Variants in SYNPR observed in about 807,000 individuals in gnomAD.
SYNPR encodes synaptoporin.
Under a neutral mutation model 32.9 loss-of-function variants are expected in SYNPR, and 23 were observed. That is an observed-to-expected ratio of 0.70 (90% CI 0.50 to 0.99). The LOEUF (loss-of-function observed/expected upper bound fraction) is 0.99, where lower values mean the gene tolerates loss of function less well. Among genes scored for constraint, SYNPR ranks in the 50% least tolerant of loss-of-function variants. The pLI is 0.00. For synonymous variants in SYNPR, 146 were observed against 135.9 expected (o/e 1.07, Z -0.52); for missense variants, 318 against 349.3 (o/e 0.91, Z 0.71).
intron 5 of SYNPR, among the ~76,000 whole-genome samples, chr3:63,614,780 C>T (rs1700253145): frequency 6.6e-6 from 1 of 152,180 alleles, no homozygotes; most frequent in South Asian, 2.1e-4. Context: ...TGAAAATTCT[C>T]AACCCTGTGC....
intron 2 of SYNPR, among the ~76,000 whole-genome samples, chr3:63,444,100 TC>T (rs1385591740): frequency 6.6e-6 from 1 of 152,248 alleles, no homozygotes; most frequent in East Asian, 1.9e-4. Context: ...TGCTTCTCTT[TC>T]GTCTTTCTTT....
chr3:63,518,423 G>C (rs1045976560), intron 3 of SYNPR, among the ~76,000 whole-genome samples: 3 of 152,022 alleles, frequency 2.0e-5, no homozygotes, highest in African/African-American at 7.2e-5. Flanking sequence ...CTGTGTCCCA[G>C]GCCTGGAACA....
At chr3:63,470,198 G>T (rs1361752144) in intron 2 of SYNPR, among the ~76,000 whole-genome samples, 1 of 152,088 alleles carries the variant, frequency 6.6e-6, no homozygotes, top group Non-Finnish European at 1.5e-5. Flanking sequence ...GTATGTATAT[G>T]TAGAAATATT....
chr3:63,327,787 G>T (rs557296864), intron 2 of SYNPR, among the ~76,000 whole-genome samples: 2 of 152,244 alleles, frequency 1.3e-5, no homozygotes, highest in South Asian at 2.1e-4. Context: ...GTGGTTAGAG[G>T]TTAAGGAAGG....
chr3:63,399,408 A>T (rs575583090), intron 2 of SYNPR, among the ~76,000 whole-genome samples: 1 of 152,270 alleles, frequency 6.6e-6, no homozygotes, highest in South Asian at 2.1e-4. Context: ...CTTGGGAAAT[A>T]ACTTTATTTA....
chr3:63,417,946 C>T (rs916752131), intron 2 of SYNPR, among the ~76,000 whole-genome samples: 6 of 152,240 alleles, frequency 3.9e-5, no homozygotes, highest in African/African-American at 1.4e-4. Flanking sequence ...ACATTTTCTA[C>T]ACTGTCTTGG....
intron 2 of SYNPR, among the ~76,000 whole-genome samples, chr3:63,434,276 A>G (rs986489420): frequency 6.6e-6 from 1 of 152,210 alleles, no homozygotes; most frequent in African/African-American, 2.4e-5. Flanking sequence ...TAAGTGTTTG[A>G]TTCTGAAATG....
At chr3:63,501,063 T>TAA (rs369261612) in intron 3 of SYNPR, among the ~76,000 whole-genome samples, 5 of 151,420 alleles carry the variant, frequency 3.3e-5, no homozygotes, top group Non-Finnish European at 5.9e-5. Flanking sequence ...TGGCAAATTG[T>TAA]AAAAAAAAAT....
chr3:63,210,752 T>C, the SYNPR span, among the ~76,000 whole-genome samples: 1 of 151,970 alleles, frequency 6.6e-6, no homozygotes, highest in Non-Finnish European at 1.5e-5. Flanking sequence ...TATCTTTCCC[T>C]TTCTTTCCTT....
intron 2 of SYNPR, among the ~76,000 whole-genome samples, chr3:63,453,751 C>T (rs1358293856): frequency 2.0e-5 from 3 of 152,038 alleles, no homozygotes; most frequent in African/African-American, 2.4e-5. Context: ...TTTGAGCCTC[C>T]GTTTTCTCGT....
chr3:63,210,802 TTCC>T, the SYNPR span, among the ~76,000 whole-genome samples: 2 of 127,030 alleles, frequency 1.6e-5, no homozygotes, highest in Admixed American at 7.6e-5. Flanking sequence ...CCTCCCTTCC[TTCC>T]TTCCTTCCTT....
chr3:63,421,680 A>AC (rs1699800909), intron 2 of SYNPR, among the ~76,000 whole-genome samples: 1 of 152,204 alleles, frequency 6.6e-6, no homozygotes, highest in South Asian at 2.1e-4. Flanking sequence ...GGCAAGAGTT[A>AC]CCCAGGCACT....
At chr3:63,377,398 A>C (rs2087908391) in intron 2 of SYNPR, among the ~76,000 whole-genome samples, 1 of 152,088 alleles carries the variant, frequency 6.6e-6, no homozygotes, top group Non-Finnish European at 1.5e-5. Context: ...ATAAGAAAAG[A>C]AGCCTTATTT....
chr3:63,250,379 C>T lies in SYNPR; in HGVS notation n.67-2120C>T, dbSNP rs191369403. Among the ~76,000 whole-genome samples, 430 of 152,174 alleles carry T rather than the reference C, an allele frequency of 2.8e-3. 3 individuals carry two copies. The highest frequency in any genetic ancestry group is 6.8e-3 in the Middle Eastern group (2 of 294). Reference sequence around the variant, plus strand: ...AATAAAATTATCCAAGATCTCCACGCCTGGGGCAATTATTCATTCCTAACA... The same window carrying T: ...AATAAAATTATCCAAGATCTCCACGTCTGGGGCAATTATTCATTCCTAACA... On this transcript the variant is annotated intron_variant and non_coding_transcript_variant, in intron 1 of 4. Transcript: ENST00000478456.
At chr3:63,373,832 AAGGGGC>A (rs373089696) in intron 2 of SYNPR, among the ~76,000 whole-genome samples, 79 of 152,306 alleles carry the variant, frequency 5.2e-4, no homozygotes, top group African/African-American at 1.8e-3. Context: ...AGCTAGAGAG[AAGGGGC>A]TGGTCACCTA....
chr3:63,367,285 T>C (rs957081506), intron 2 of SYNPR, among the ~76,000 whole-genome samples: 1 of 152,194 alleles, frequency 6.6e-6, no homozygotes, highest in African/African-American at 2.4e-5. Context: ...GAAAGACTCC[T>C]ACATAAATAC....
At chr3:63,272,058 G>T (rs188804322) in intron 3 of SYNPR, among the ~76,000 whole-genome samples, 7 of 152,278 alleles carry the variant, frequency 4.6e-5, no homozygotes, top group Admixed American at 4.6e-4. Flanking sequence ...AGTATATGTT[G>T]TCAGTAGTGA....
At chr3:63,417,267 TCTC>T (rs1353689103) in intron 2 of SYNPR, among the ~76,000 whole-genome samples, 3 of 152,216 alleles carry the variant, frequency 2.0e-5, no homozygotes, top group Non-Finnish European at 4.4e-5. Context: ...TCCAAAATGA[TCTC>T]CTCCTTTGAC....
chr3:63,244,614 G>T (rs150309214), intron 1 of SYNPR, among the ~76,000 whole-genome samples: 14 of 152,190 alleles, frequency 9.2e-5, no homozygotes, highest in African/African-American at 3.1e-4. Context: ...TGCATTTTGT[G>T]TGTGAATGAC....
Sources: gnomAD v4.1 joint callset for allele counts (sites outside exome capture counted in the v4.1 genomes callset) on GRCh38, gnomAD v4.1.1 for gene constraint, MANE v1.5 for transcripts, NCBI Gene and HGNC (gene_info 2026-07-23, HGNC 2026-07-21) for gene names.